ZNF160: variants seen among roughly 807,000 people sequenced by gnomAD.
ZNF160 encodes the protein KRAB zinc finger protein KR18.
A neutral mutation model predicts 13.1 loss-of-function variants in ZNF160; 9 were observed. The observed-to-expected ratio is 0.69, with a 90% CI of 0.41 to 1.20. The LOEUF is 1.20. Among genes scored for constraint, ZNF160 ranks in the 50% most tolerant of loss-of-function variants. The probability of loss-of-function intolerance (pLI) is 0.01; values close to 1 mark genes in which losing one functional copy is unlikely to be tolerated. For missense variants in ZNF160, 838 were observed against 988.0 expected (o/e 0.85, Z 2.04); for synonymous variants, 293 against 333.2 (o/e 0.88, Z 1.31).
chr19:53,069,892 A>G lies in ZNF160; in HGVS notation c.642T>C (p.Gly214=). ...CNQVEKSTNN[G]SSVSPLQQIP... ...TTTGTTGAAGTGGTGACACTGAGGA[A>G]CCATTGTTGGTAGACTTCTCAACTT... Residue 214 remains glycine, a synonymous_variant, in exon 6 of 6, where the codon GGT becomes GGC. Coordinates refer to ENST00000683776, the MANE Select transcript of ZNF160 (RefSeq NM_001322131.2). The surrounding 1 kb of genome is among the most constrained non-coding windows in gnomAD (Gnocchi z 4.4). The G allele has an allele frequency of 6.2e-7, 1 of 1,614,128 alleles. No homozygotes were observed. Among genetic ancestry groups the G allele is most frequent in the Non-Finnish European group, 8.5e-7 (1 of 1,180,016 alleles).
intron 1 of ZNF160, among the ~76,000 whole-genome samples, chr19:53,102,236 C>T (rs1361517229): frequency 6.6e-6 from 1 of 152,138 alleles, no homozygotes; most frequent in Non-Finnish European, 1.5e-5. Flanking sequence ...CTCTTTCTTA[C>T]CCCATCTCCG....
chr19:53,076,357 G>A (rs2084387933), intron 3 of ZNF160, among the ~76,000 whole-genome samples: 1 of 152,144 alleles, frequency 6.6e-6, no homozygotes, highest in Non-Finnish European at 1.5e-5. Context: ...AAATGATAAT[G>A]CGGCCGGGCG....
chr19:53,078,708 A>G (rs75593660), intron 3 of ZNF160, among the ~76,000 whole-genome samples: 4,446 of 152,198 alleles, frequency 0.029, 96 homozygotes, highest in Middle Eastern at 0.14. Context: ...AGTAAGAAGA[A>G]GGAGTATAAG....
At chr19:53,075,361 G>T in intron 3 of ZNF160, 178 bp from the exon 4 acceptor site, 1 of 694,650 alleles carries the variant, frequency 1.4e-6, no homozygotes, top group Non-Finnish European at 2.4e-6. Context: ...TGACATAAGA[G>T]CTCACTTGAA....
chr19:53,089,106 A>AG (rs961587225), intron 2 of ZNF160, among the ~76,000 whole-genome samples: 3 of 152,190 alleles, frequency 2.0e-5, no homozygotes, highest in African/African-American at 4.8e-5. Flanking sequence ...CAACCTGAGG[A>AG]GGGGGGTCAA....
intron 2 of ZNF160, among the ~76,000 whole-genome samples, chr19:53,086,793 G>A (rs890099631): frequency 2.0e-5 from 3 of 152,130 alleles, no homozygotes; most frequent in East Asian, 1.9e-4. Context: ...ATGAAAATAC[G>A]TCAAGGGGGC....
chr19:53,092,420 C>A (rs980855066), intron 1 of ZNF160, among the ~76,000 whole-genome samples: 3 of 152,106 alleles, frequency 2.0e-5, no homozygotes, highest in Admixed American at 2.0e-4. Flanking sequence ...AAGCGATTCT[C>A]CTGTCTCAGC....
chr19:53,095,858 TAAATG>T (rs2085214881), intron 1 of ZNF160: 1 of 152,106 alleles, frequency 6.6e-6, no homozygotes, highest in South Asian at 2.1e-4. Flanking sequence ...ATAGCAACAT[TAAATG>T]AAATATTAGT....
At chr19:53,073,290 A>T in intron 5 of ZNF160, 5 of 1,563,902 alleles carry the variant, frequency 3.2e-6, no homozygotes, top group Non-Finnish European at 4.3e-6. Flanking sequence ...AGGATCAATG[A>T]CAGAAGGATT....
chr19:53,070,168 T>G lies in ZNF160; in HGVS notation c.366A>C (p.Glu122Asp). Residue 122 changes from glutamate to aspartate, a missense_variant, in exon 6 of 6, where the codon GAA becomes GAC. Physicochemically the swap from Glu to Asp is conservative, Grantham distance 45 (BLOSUM62 2). This residue lies in a region of ZNF160 where 387 missense variants were observed against 402.3 expected (regional missense o/e 0.96). Coordinates refer to ENST00000683776, the MANE Select transcript of ZNF160 (RefSeq NM_001322131.2). ...VFHTVVLERH[E>D]SPDIEDFSFK... Reference sequence around the variant, plus strand: ...AGGAAAAGTCTTCAATGTCAGGGCTTTCGTGTCTTTCCAACACCACTGTGT... The same window carrying G: ...AGGAAAAGTCTTCAATGTCAGGGCTGTCGTGTCTTTCCAACACCACTGTGT... 6.2e-7 allele frequency: 1 copy of G among 1,614,120 alleles called. No individual in the cohort carries two copies. Among genetic ancestry groups the G allele is most frequent in the South Asian group, 1.1e-5 (1 of 91,080 alleles).
Position 53,068,099 on chromosome 19 carries a change from G to A in ZNF160, c.2435C>T (p.Thr812Ile), listed in dbSNP as rs774031489. 9 of 1,610,188 alleles carry A rather than the reference G, an allele frequency of 5.6e-6. No individual in the cohort carries two copies. Residue 812 changes from threonine to isoleucine, a missense_variant, in exon 6 of 6, where the codon ACC (threonine) becomes ATC (isoleucine). By Grantham distance (89) the Thr-to-Ile change is moderately conservative. This residue lies in a region of ZNF160 where 51 missense variants were observed against 46.9 expected (regional missense o/e 1.09). Coordinates refer to ENST00000683776, the MANE Select transcript of ZNF160 (RefSeq NM_001322131.2). ...SNLASHHRMH[T>I]GEKPYK ...CACTCATTTGTAAGGTTTCTCTCCGGTATGCATTCTGTGATGACTTGCAAG... is the reference window on the plus strand; with the variant it reads ...CACTCATTTGTAAGGTTTCTCTCCGATATGCATTCTGTGATGACTTGCAAG...
chr19:53,098,041 G>T (rs1044103362), intron 1 of ZNF160, among the ~76,000 whole-genome samples: 1 of 152,134 alleles, frequency 6.6e-6, no homozygotes, highest in Non-Finnish European at 1.5e-5. Context: ...ATGAGTTTCC[G>T]AATTAAATTC....
Position 53,068,921 on chromosome 19 carries a change from T to G in ZNF160, c.1613A>C (p.Lys538Thr). 1 of 1,613,940 alleles carries G rather than the reference T, an allele frequency of 6.2e-7. No homozygotes were observed. The highest frequency in any genetic ancestry group is 8.5e-7 in the Non-Finnish European group (1 of 1,179,980). The part of the protein sequence containing the change: ...QAIHSGEKPY[K>T]CIECGKSFTQ... The stretch of plus-strand genomic sequence containing the variant: ...GAAGCTCTTGCCACATTCAATACAT[T>G]TGTAAGGTTTCTCTCCAGAATGGAT... The change falls in exon 6 of 6, where the codon AAA (lysine) becomes ACA (threonine). Residue 538 changes from lysine (K) to threonine (T), a missense_variant. Transcript: ENST00000683776.
At position 53,068,664 on chromosome 19, in the gene ZNF160, G is replaced by A. The variant is rs373695472; in HGVS notation, c.1870C>T (p.His624Tyr). Residue 624 changes from histidine (H) to tyrosine (Y), a missense_variant, in exon 6 of 6, where the codon CAT becomes TAT. By Grantham distance (83) the His-to-Tyr change is moderately conservative (BLOSUM62 2). Transcript: ENST00000683776. ...IHTGEKPYKC[H>Y]ECGKVFRHNS... ...TGCCTAAAAACCTTGCCGCATTCAT[G>A]ACATTTGTAAGGTTTCTCTCCAGTA... 1,110 of 1,612,378 alleles carry A rather than the reference G, an allele frequency of 6.9e-4. 1 individual carries two copies. The highest frequency in any genetic ancestry group is 7.6e-4 in the Non-Finnish European group (900 of 1,179,524).
intron 1 of ZNF160, among the ~76,000 whole-genome samples, chr19:53,103,027 G>C (rs1174206793): frequency 1.3e-5 from 2 of 152,204 alleles, no homozygotes; most frequent in East Asian, 3.9e-4. Context: ...TCCAGGGGCC[G>C]ACGAGAGCGA....
Position 53,069,450 on chromosome 19 carries a change from T to C in ZNF160, c.1084A>G (p.Ile362Val). The C allele has an allele frequency of 6.2e-7, 1 of 1,614,118 alleles. No homozygotes were observed. Among genetic ancestry groups the C allele is most frequent in the Non-Finnish European group, 8.5e-7 (1 of 1,180,030 alleles). ...GHSNLTTHQL[I>V]HTGEKPFKCN... ...TTGAACGGTTTTTCTCCAGTATGAA[T>C]TAACTGATGGGTAGTTAGGTTTGAA... The change falls in exon 6 of 6, where the codon ATT becomes GTT. Residue 362 changes from isoleucine to valine, a missense_variant. By Grantham distance (29) the Ile-to-Val change is conservative. Coordinates refer to ENST00000683776, the MANE Select transcript of ZNF160 (RefSeq NM_001322131.2). The surrounding 1 kb of genome is among the most constrained non-coding windows in gnomAD (Gnocchi z 4.4).
chr19:53,071,449 A>G (rs527671577), intron 5 of ZNF160, among the ~76,000 whole-genome samples: 1 of 149,638 alleles, frequency 6.7e-6, no homozygotes, highest in African/African-American at 2.5e-5. Flanking sequence ...CAACTTGGGA[A>G]GCTGAGGAAG....
chr19:53,091,097 T>A (rs1463179669), intron 2 of ZNF160: 1 of 152,210 alleles, frequency 6.6e-6, no homozygotes, highest in East Asian at 1.9e-4. Flanking sequence ...CAGCACTTCG[T>A]GGGCTGTAAT....
chr19:53,078,233 C>T lies in ZNF160; in HGVS notation c.16-3050G>A, dbSNP rs1319677901. Among the ~76,000 whole-genome samples, 3 of 150,056 alleles carry T rather than the reference C, an allele frequency of 2.0e-5. No homozygotes were observed. The East Asian group carries it at 6.0e-4, about 30-fold the overall frequency. Reference sequence around the variant, plus strand: ...CCAGCCTGGGAAACAAGAGTTGCCACCTCAGGGGAAAAAAAAAATACACAA... The same window carrying T: ...CCAGCCTGGGAAACAAGAGTTGCCATCTCAGGGGAAAAAAAAAATACACAA... On this transcript the variant is annotated intron_variant, in intron 3 of 5. Coordinates refer to ENST00000683776, the MANE Select transcript of ZNF160 (RefSeq NM_001322131.2).
Sources: gnomAD v4.1 joint callset for allele counts (sites outside exome capture counted in the v4.1 genomes callset) on GRCh38, gnomAD v4.1.1 for gene constraint, gnomAD v4.1.1 regional missense constraint, Gnocchi (gnomAD v3.1) non-coding constraint, MANE v1.5 for transcripts, NCBI Gene and HGNC (gene_info 2026-07-23, HGNC 2026-07-21) for gene names.